The following SMARCA2 variants were observed in gnomAD, a reference collection of about 807,000 sequenced individuals.
The protein encoded by SMARCA2 is SWI/SNF related BAF chromatin remodeling complex subunit ATPase 2, also known as SWI/SNF-related matrix-associated actin-dependent regulator of chromatin subfamily A member 2.
In SMARCA2, 61 loss-of-function variants were observed where a neutral mutation model predicts 199.8. The ratio of observed to expected loss-of-function variants is 0.31; its 90% CI spans 0.25 to 0.38. The LOEUF (loss-of-function observed/expected upper bound fraction) is 0.38. Ranked by LOEUF, SMARCA2 falls within the 10% of genes least tolerant of loss-of-function variation. The probability of loss-of-function intolerance (pLI) is 1.00; values close to 1 mark genes in which losing one functional copy is unlikely to be tolerated. For missense variants in SMARCA2, 1,344 were observed against 2,012.2 expected, an observed-to-expected ratio of 0.67 and a Z score of 6.35; for synonymous variants, 935 against 732.0, an observed-to-expected ratio of 1.28 and a Z score of -4.48.
chr9:2,095,757 T>C (rs906159612), intron 19 of SMARCA2, among the ~76,000 whole-genome samples: 11 of 152,254 alleles, frequency 7.2e-5, no homozygotes, highest in African/African-American at 2.7e-4. Flanking sequence ...AATGTGATCA[T>C]TTTACATCAG....
intron 27 of SMARCA2, among the ~76,000 whole-genome samples, chr9:2,143,645 T>G (rs1450162755): frequency 6.6e-6 from 1 of 152,166 alleles, no homozygotes; most frequent in Non-Finnish European, 1.5e-5. Context: ...TGCAGGGATG[T>G]GATAAGGGAA....
intron 4 of SMARCA2, 90 bp from the exon 5 acceptor site, chr9:2,047,139 G>T: frequency 1.1e-6 from 1 of 947,478 alleles, no homozygotes; most frequent in East Asian, 1.0e-4. Flanking sequence ...ATGGTCCCCA[G>T]CACTGGGCCC....
At chr9:2,129,889 T>C (rs1823864688) in intron 27 of SMARCA2, among the ~76,000 whole-genome samples, 1 of 152,192 alleles carries the variant, frequency 6.6e-6, no homozygotes, top group South Asian at 2.1e-4. Flanking sequence ...GATCTCACTC[T>C]GTTATCTAGG....
intron 14 of SMARCA2, among the ~76,000 whole-genome samples, chr9:2,079,362 T>C (rs2130453640): frequency 6.6e-6 from 1 of 152,324 alleles, no homozygotes; most frequent in East Asian, 1.9e-4. Context: ...CTTTAGGAAG[T>C]GTACTTGTTG....
intron 9 of SMARCA2, among the ~76,000 whole-genome samples, chr9:2,063,792 A>G (rs1820705986): frequency 6.7e-6 from 1 of 149,366 alleles, no homozygotes; most frequent in African/African-American, 2.5e-5. Flanking sequence ...TTTCTTTGGG[A>G]GTTTATTGTG....
chr9:2,019,514 A>G (rs1028703933), intron 1 of SMARCA2, among the ~76,000 whole-genome samples: 2 of 149,756 alleles, frequency 1.3e-5, no homozygotes, highest in African/African-American at 4.9e-5. Flanking sequence ...AAAAAAAAAA[A>G]GTGCCTCGGC....
chr9:2,056,660 T>C lies in SMARCA2; in HGVS notation c.1174-12T>C, dbSNP rs1366781097. 2 of 1,607,592 alleles carry C rather than the reference T, an allele frequency of 1.2e-6. No individual in the cohort carries two copies. Among genetic ancestry groups the C allele is most frequent in the African/African-American group, 1.3e-5 (1 of 74,396 alleles). ...GTTAGGGAAGGCTGTCTAACTGCTC[T>C]CTTCTTGACAGCTGAGACAGGAGGT... is the stretch of plus-strand genomic sequence containing the variant. On this transcript the variant is annotated splice_polypyrimidine_tract_variant and intron_variant, in intron 6 of 33. Transcript: ENST00000349721. The surrounding 1 kb of genome is among the most constrained non-coding windows in gnomAD (Gnocchi z 4.0).
Position 2,086,616 on chromosome 9 carries a change from G to T in SMARCA2, c.2527-213G>T, listed in dbSNP as rs560824532. Among the ~76,000 whole-genome samples, 1 of 152,142 alleles carries T rather than the reference G, an allele frequency of 6.6e-6. No homozygotes were observed. Among genetic ancestry groups the T allele is most frequent in the African/African-American group, 2.4e-5 (1 of 41,426 alleles). On this transcript the variant is annotated intron_variant, in intron 17 of 33. Transcript: ENST00000349721. The surrounding 1 kb of genome is among the most constrained non-coding windows in gnomAD (Gnocchi z 4.3). ...GATTTGGAATTACGTGGTCTGTAAG[G>T]AACATTGTTCCTTTAACATTCTATT...
intron 31 of SMARCA2, among the ~76,000 whole-genome samples, chr9:2,182,645 C>T (rs1393874243): frequency 1.3e-5 from 2 of 151,708 alleles, no homozygotes; most frequent in African/African-American, 4.8e-5. Context: ...CAGGCACCCA[C>T]CACCATGCCT....
intron 10 of SMARCA2, 141 bp from the exon 11 acceptor site, chr9:2,073,071 A>G: frequency 1.1e-6 from 1 of 946,342 alleles, no homozygotes; most frequent in Non-Finnish European, 1.6e-6. Flanking sequence ...ACCTCCCACC[A>G]ACACTCATTA....
chr9:2,100,780 A>G (rs1313101232), intron 21 of SMARCA2, among the ~76,000 whole-genome samples: 1 of 152,094 alleles, frequency 6.6e-6, no homozygotes, highest in Non-Finnish European at 1.5e-5. Flanking sequence ...TTATTGCTGA[A>G]TTTTTCCACA....
chr9:2,156,228 A>G (rs1318516157), intron 27 of SMARCA2, among the ~76,000 whole-genome samples: 3 of 152,124 alleles, frequency 2.0e-5, no homozygotes, highest in African/African-American at 7.2e-5. Flanking sequence ...AAAGGGTTGA[A>G]TTCTGAAGGA....
chr9:2,100,438 C>T (rs1822460646), intron 21 of SMARCA2, among the ~76,000 whole-genome samples: 1 of 152,112 alleles, frequency 6.6e-6, no homozygotes, highest in Non-Finnish European at 1.5e-5. Context: ...TGTGGTGGCT[C>T]ATCCAATAAG....
intron 27 of SMARCA2, among the ~76,000 whole-genome samples, chr9:2,139,887 A>G (rs900499181): frequency 6.6e-6 from 1 of 152,196 alleles, no homozygotes; most frequent in Non-Finnish European, 1.5e-5. Context: ...TTAGTTTTAC[A>G]AAGGTTGTTT....
At chr9:2,146,812 G>C (rs1185730471) in intron 27 of SMARCA2, among the ~76,000 whole-genome samples, 1 of 152,108 alleles carries the variant, frequency 6.6e-6, no homozygotes, top group Admixed American at 6.5e-5. Flanking sequence ...TCTGGTGGGA[G>C]TGTAGCAGTG....
At chr9:2,130,213 T>A (rs1334131009) in intron 27 of SMARCA2, among the ~76,000 whole-genome samples, 2 of 152,202 alleles carry the variant, frequency 1.3e-5, no homozygotes, top group Non-Finnish European at 2.9e-5. Context: ...TTACTTCTCT[T>A]CCTCTTGACT....
intron 16 of SMARCA2, 120 bp downstream of exon 16, chr9:2,083,533 G>C (rs910659706): frequency 1.5e-5 from 9 of 585,674 alleles, no homozygotes; most frequent in African/African-American, 5.7e-5. Flanking sequence ...TGTACATCAT[G>C]TACTAAACCG....
intron 31 of SMARCA2, among the ~76,000 whole-genome samples, chr9:2,182,755 A>G (rs982846000): frequency 6.6e-6 from 1 of 151,044 alleles, no homozygotes; most frequent in East Asian, 2.0e-4. Flanking sequence ...TCGGCCTCCC[A>G]AAGTGTTGGG....
At chr9:2,187,370 G>A (rs1827541826) in intron 32 of SMARCA2, among the ~76,000 whole-genome samples, 1 of 152,146 alleles carries the variant, frequency 6.6e-6, no homozygotes, top group Admixed American at 6.5e-5. Flanking sequence ...GGTGCTGTCA[G>A]AAGTTGAAAA....
Sources: gnomAD v4.1 joint callset for allele counts (sites outside exome capture counted in the v4.1 genomes callset) on GRCh38, gnomAD v4.1.1 for gene constraint, Gnocchi (gnomAD v3.1) non-coding constraint, MANE v1.5 for transcripts, NCBI Gene and HGNC (gene_info 2026-07-23, HGNC 2026-07-21) for gene names.